Variants in TBC1D14 observed in about 807,000 individuals in gnomAD.
TBC1D14 encodes TBC1 domain family member 14.
A neutral mutation model predicts 79.0 loss-of-function variants in TBC1D14; 26 were observed. The ratio of observed to expected loss-of-function variants is 0.33; its 90% confidence interval spans 0.24 to 0.46. TBC1D14 has a LOEUF of 0.46. TBC1D14 is among the 20% of genes least tolerant of loss of function. The pLI, the probability that TBC1D14 is intolerant of heterozygous loss-of-function variation, is 1.00. For synonymous variants in TBC1D14, 394 were observed against 349.9 expected, an observed-to-expected ratio of 1.13 and a Z score of -1.40; for missense variants, 769 against 887.6, an observed-to-expected ratio of 0.87 and a Z score of 1.70.
In TBC1D14 at chr4:7,009,822, C is replaced by T; in HGVS notation, c.1447-55C>T. ...AGCAGTAGTAGTATCAGATGTTCGT[C>T]TGAGCACTAACAGTACTCATGCATG... On this transcript the variant is annotated intron_variant, in intron 9 of 13. Coordinates refer to ENST00000409757, the MANE Select transcript of TBC1D14 (RefSeq NM_020773.3). The T allele has an allele frequency of 2.6e-6, 4 of 1,537,504 alleles. No homozygotes were observed. The South Asian group carries it at 3.4e-5, about 13-fold the overall frequency.
chr4:6,945,785 AT>A (rs1713390063), intron 2 of TBC1D14, among the ~76,000 whole-genome samples: 7 of 136,594 alleles, frequency 5.1e-5, no homozygotes, highest in African/African-American at 8.2e-5. Flanking sequence ...AAAAAAAAAG[AT>A]GAAAGAAAGC....
chr4:7,000,696 G>A (rs1222390468), intron 6 of TBC1D14, among the ~76,000 whole-genome samples: 4 of 152,194 alleles, frequency 2.6e-5, no homozygotes, highest in Non-Finnish European at 4.4e-5. Context: ...TTGGTGGTGC[G>A]ATGGCCGTCT....
At chr4:7,014,356 G>A in intron 11 of TBC1D14, 92 bp from the exon 12 acceptor site, 2 of 751,522 alleles carry the variant, frequency 2.7e-6, no homozygotes, top group Non-Finnish European at 4.5e-6. Flanking sequence ...GAAGGTAATT[G>A]TTAGAGTCTA....
At position 7,032,430 on chromosome 4, in the gene TBC1D14, C is replaced by G. The variant is rs1452888683; in HGVS notation, c.*2038C>G. 1 of 152,716 alleles carries G rather than the reference C, an allele frequency of 6.5e-6. No homozygotes were observed. The highest frequency in any genetic ancestry group is 1.5e-5 in the Non-Finnish European group (1 of 68,080). 9.5% of individuals were successfully genotyped at this position (152,716 alleles called of 1,614,324 possible). A position where few individuals can be genotyped will look rare whatever the true frequency, so the allele number is the denominator to read the frequency against. ...TGTTCAGATTGCCCCTGGGGATCTTCTGTGTCTTCAGCGCCCAGCCCTGCG... is the reference window on the plus strand; with the variant it reads ...TGTTCAGATTGCCCCTGGGGATCTTGTGTGTCTTCAGCGCCCAGCCCTGCG... On this transcript the variant is annotated 3_prime_UTR_variant, in exon 14 of 14. Coordinates refer to ENST00000409757, the MANE Select transcript of TBC1D14 (RefSeq NM_020773.3).
At chr4:6,982,282 A>T (rs9790586) in intron 3 of TBC1D14, among the ~76,000 whole-genome samples, 1 of 152,064 alleles carries the variant, frequency 6.6e-6, no homozygotes, top group Non-Finnish European at 1.5e-5. Context: ...AATATGACTC[A>T]GTAATAAACA....
At chr4:7,011,260 G>C (rs7664626) in intron 11 of TBC1D14, among the ~76,000 whole-genome samples, 2,324 of 151,960 alleles carry the variant, frequency 0.015, 61 homozygotes, top group African/African-American at 0.053. Context: ...TTTTTTAAAA[G>C]GCAGCCATTT....
At position 6,955,771 on chromosome 4, in the gene TBC1D14, G is replaced by A. The variant is rs187403903; in HGVS notation, c.723-11533G>A. 5.0e-4 allele frequency among the ~76,000 whole-genome samples: 76 copies of A among 152,258 alleles called. 1 individual carries two copies. The highest frequency in any genetic ancestry group is 1.3e-3 in the African/African-American group (54 of 41,552). Reference sequence around the variant, plus strand: ...TTTGAGAAAGCCCTGATGAGTGTCCGTGGCTTGTGGAACCTGCTCCACCAG... The same window carrying A: ...TTTGAGAAAGCCCTGATGAGTGTCCATGGCTTGTGGAACCTGCTCCACCAG... On this transcript the variant is annotated intron_variant, in intron 2 of 13. Coordinates refer to ENST00000409757, the MANE Select transcript of TBC1D14 (RefSeq NM_020773.3).
At chr4:6,955,384 A>C (rs148843227) in intron 2 of TBC1D14, among the ~76,000 whole-genome samples, 24 of 152,310 alleles carry the variant, frequency 1.6e-4, no homozygotes, top group African/African-American at 5.8e-4. Context: ...TCCTGTCCGT[A>C]CGGTGGCGGC....
chr4:6,935,856 C>G (rs772575481), intron 2 of TBC1D14, among the ~76,000 whole-genome samples: 1 of 152,134 alleles, frequency 6.6e-6, no homozygotes, highest in Non-Finnish European at 1.5e-5. Context: ...GTTGGCCAGG[C>G]TGGTCTTGAA....
At chr4:7,017,132 C>A (rs992555500) in intron 12 of TBC1D14, among the ~76,000 whole-genome samples, 10 of 152,174 alleles carry the variant, frequency 6.6e-5, no homozygotes, top group Non-Finnish European at 8.8e-5. Context: ...GAAACCCCGT[C>A]TCTACTAAAA....
At chr4:7,005,427 C>T (rs530262907) in intron 8 of TBC1D14, among the ~76,000 whole-genome samples, 4 of 152,192 alleles carry the variant, frequency 2.6e-5, no homozygotes, top group Non-Finnish European at 4.4e-5. Flanking sequence ...CCTAGCTACT[C>T]GGGAGGCCGA....
intron 1 of TBC1D14, among the ~76,000 whole-genome samples, chr4:6,910,852 C>T (rs980012643): frequency 1.3e-5 from 2 of 152,284 alleles, no homozygotes; most frequent in South Asian, 2.1e-4. Flanking sequence ...TTATAGGCAC[C>T]GGTGCGTTTT....
intron 12 of TBC1D14, among the ~76,000 whole-genome samples, chr4:7,016,999 G>A (rs1174178270): frequency 6.6e-6 from 1 of 152,056 alleles, no homozygotes; most frequent in African/African-American, 2.4e-5. Context: ...GTGTTTTATA[G>A]AGGAAAAAAA....
intron 2 of TBC1D14, among the ~76,000 whole-genome samples, chr4:6,944,028 C>CG (rs35603895): frequency 0.75 from 114,050 of 151,934 alleles, 43,688 homozygotes; most frequent in East Asian, 0.97. Flanking sequence ...CGCGTTCTGC[C>CG]GGGGGTTTGG....
chr4:6,958,348 T>C (rs185621696), intron 2 of TBC1D14, among the ~76,000 whole-genome samples: 2 of 143,094 alleles, frequency 1.4e-5, no homozygotes, highest in East Asian at 2.0e-4. Flanking sequence ...GGTGATAGGG[T>C]AAGGGTGATA....
Position 6,923,801 on chromosome 4 carries a change from G to C in TBC1D14, c.412G>C (p.Val138Leu), listed in dbSNP as rs368426774. ...STFPRTGYDS[V>L]KLYSPTSKAL... is the part of the protein sequence containing the mutation. ...GTTTCCCAGGACAGGCTATGACTCGGTAAAGCTCTATAGCCCGACCTCCAA... is the reference window on the plus strand; with the variant it reads ...GTTTCCCAGGACAGGCTATGACTCGCTAAAGCTCTATAGCCCGACCTCCAA... The change falls in exon 2 of 14, where the codon GTA becomes CTA. Residue 138 changes from valine to leucine, a missense_variant. Transcript: ENST00000409757. The C allele has an allele frequency of 5.9e-5, 96 of 1,614,052 alleles. No homozygotes were observed. The highest frequency in any genetic ancestry group is 7.9e-5 in the Non-Finnish European group (93 of 1,180,054).
At chr4:6,982,068 TG>T (rs1408190553) in intron 3 of TBC1D14, among the ~76,000 whole-genome samples, 4 of 152,232 alleles carry the variant, frequency 2.6e-5, no homozygotes. Flanking sequence ...GAAAACCAGT[TG>T]GGAGGTTTCT....
At chr4:6,922,548 C>T (rs1484949597) in intron 1 of TBC1D14, among the ~76,000 whole-genome samples, 2 of 152,126 alleles carry the variant, frequency 1.3e-5, no homozygotes, top group African/African-American at 2.4e-5. Flanking sequence ...TGTGAGTAAG[C>T]GTGACTGAAA....
At chr4:6,914,469 A>G (rs1316523410) in intron 1 of TBC1D14, among the ~76,000 whole-genome samples, 1 of 152,210 alleles carries the variant, frequency 6.6e-6, no homozygotes, top group Non-Finnish European at 1.5e-5. Context: ...ATGCAGATCA[A>G]TCCACTGTTT....
Sources: allele counts gnomAD v4.1 joint callset (sites outside exome capture counted in the v4.1 genomes callset), GRCh38; gene constraint gnomAD v4.1.1; transcripts MANE v1.5; gene names NCBI Gene and HGNC (gene_info 2026-07-23, HGNC 2026-07-21).